Variants in CDH6 observed in about 807,000 individuals in gnomAD.
The protein encoded by CDH6 is cadherin 6, also known as cadherin-6.
In CDH6, 31 loss-of-function variants were observed where a neutral mutation model predicts 78.0. The observed-to-expected ratio is 0.40, with a 90% CI of 0.30 to 0.54. The LOEUF (loss-of-function observed/expected upper bound fraction) is 0.54, where lower values mean the gene tolerates loss of function less well. Ranked by LOEUF, CDH6 falls within the 20% of genes least tolerant of loss-of-function variation. The probability of loss-of-function intolerance (pLI) is 0.56; values close to 1 mark genes in which losing one functional copy is unlikely to be tolerated. For synonymous variants in CDH6, 376 were observed against 368.8 expected, an observed-to-expected ratio of 1.02 and a Z score of -0.23; for missense variants, 724 against 975.9, an observed-to-expected ratio of 0.74 and a Z score of 3.44.
At chr5:31,255,855 AT>A (rs1191032498) in intron 1 of CDH6, among the ~76,000 whole-genome samples, 1 of 152,272 alleles carries the variant, frequency 6.6e-6, no homozygotes, top group East Asian at 1.9e-4. Context: ...CATAAAACAT[AT>A]TGAATGAACA....
intron 1 of CDH6, among the ~76,000 whole-genome samples, chr5:31,236,681 C>T (rs965652444): frequency 2.0e-5 from 3 of 152,140 alleles, no homozygotes; most frequent in Non-Finnish European, 2.9e-5. Flanking sequence ...GGATTCCCCG[C>T]CCCCCATCTC....
intron 1 of CDH6, among the ~76,000 whole-genome samples, chr5:31,218,095 A>G (rs1164659416): frequency 1.3e-5 from 2 of 152,180 alleles, no homozygotes; most frequent in African/African-American, 2.4e-5. Flanking sequence ...TTATTATAAT[A>G]CATTTGAAAT....
chr5:31,285,258 CT>C (rs1433680763), intron 2 of CDH6, among the ~76,000 whole-genome samples: 1 of 152,190 alleles, frequency 6.6e-6, no homozygotes, highest in Non-Finnish European at 1.5e-5. Context: ...TTCTCCCACA[CT>C]GAGCCTTGAA....
chr5:31,300,536 A>G (rs1412324320), intron 5 of CDH6, among the ~76,000 whole-genome samples: 3 of 152,190 alleles, frequency 2.0e-5, no homozygotes, highest in Non-Finnish European at 4.4e-5. Flanking sequence ...AGAATATCTC[A>G]TATAACAAGT....
intron 6 of CDH6, among the ~76,000 whole-genome samples, chr5:31,302,823 A>G (rs1225340980): frequency 6.8e-6 from 1 of 147,624 alleles, no homozygotes; most frequent in African/African-American, 2.5e-5. Flanking sequence ...AAAGAAAGAA[A>G]GAAAGAAAGA....
At chr5:31,254,971 A>G (rs1307219448) in intron 1 of CDH6, among the ~76,000 whole-genome samples, 2 of 152,246 alleles carry the variant, frequency 1.3e-5, no homozygotes, top group Admixed American at 6.5e-5. Flanking sequence ...TAAAAACTCA[A>G]TATCATCAAA....
rs577544478 is a variant in CDH6, at chr5:31,309,742, G to T, written c.1254-3576G>T. Among the ~76,000 whole-genome samples the T allele has an allele frequency of 2.6e-5, 4 of 152,300 alleles. No homozygotes were observed. The East Asian group carries it at 7.7e-4, about 29-fold the overall frequency. On this transcript the variant is annotated intron_variant, in intron 7 of 11. Transcript: ENST00000265071. ...GCTGTACAGGAAGCATGGCCGAGAG[G>T]CCTCAGGAAACTTACAATCATAGCA...
intron 1 of CDH6, among the ~76,000 whole-genome samples, chr5:31,211,732 T>C (rs1416121999): frequency 6.6e-6 from 1 of 152,214 alleles, no homozygotes; most frequent in Admixed American, 6.5e-5. Flanking sequence ...CAAAGTGGAA[T>C]AAAATCTAGA....
intron 1 of CDH6, among the ~76,000 whole-genome samples, chr5:31,211,501 T>A (rs967817499): frequency 6.6e-6 from 1 of 152,208 alleles, no homozygotes; most frequent in Non-Finnish European, 1.5e-5. Context: ...TATTTTTCTT[T>A]TAGGTTTTAT....
chr5:31,269,448 T>A (rs1742460000), intron 2 of CDH6, among the ~76,000 whole-genome samples: 1 of 152,180 alleles, frequency 6.6e-6, no homozygotes, highest in South Asian at 2.1e-4. Context: ...TTGCCAATTA[T>A]GTGACCTAGG....
At chr5:31,210,847 T>C (rs1314017719) in intron 1 of CDH6, among the ~76,000 whole-genome samples, 2 of 152,186 alleles carry the variant, frequency 1.3e-5, no homozygotes, top group Non-Finnish European at 2.9e-5. Context: ...TGATCCATGA[T>C]TGGTGGAATC....
At chr5:31,314,867 T>C (rs1579911870) in intron 8 of CDH6, among the ~76,000 whole-genome samples, 2 of 152,322 alleles carry the variant, frequency 1.3e-5, no homozygotes, top group Admixed American at 6.5e-5. Context: ...TTTGAAAGTA[T>C]TGGTGACTAT....
At chr5:31,286,212 G>T (rs1246806400) in intron 2 of CDH6, among the ~76,000 whole-genome samples, 1 of 152,318 alleles carries the variant, frequency 6.6e-6, no homozygotes, top group South Asian at 2.1e-4. Context: ...AAGTGACCTA[G>T]ACAGGTTTGG....
intron 1 of CDH6, among the ~76,000 whole-genome samples, chr5:31,219,578 C>A (rs559908343): frequency 6.6e-6 from 1 of 152,196 alleles, no homozygotes; most frequent in African/African-American, 2.4e-5. Context: ...TTGAGCTCAC[C>A]CCAGATACAC....
rs1479162580 is a variant in CDH6 at position 31,327,376 on chromosome 5, T to C, written c.*4068T>C. On this transcript the variant is annotated 3_prime_UTR_variant, in exon 12 of 12. Coordinates refer to ENST00000265071, the MANE Select transcript of CDH6 (RefSeq NM_004932.4). ...TAGTTTTGAAGCAGTGTAATTACTC[T>C]GGAAGAAGGCTCTAAAAAGTCATGA... is the stretch of plus-strand genomic sequence containing the variant. 1.0e-5 allele frequency: 2 copies of C among 192,478 alleles called. No homozygotes were observed. Among genetic ancestry groups the C allele is most frequent in the African/African-American group, 4.6e-5 (2 of 43,076 alleles). The allele number at this position is 192,478 out of a possible 1,614,324, so 11.9% of individuals were successfully genotyped here.
At chr5:31,306,577 G>C (rs1737997516) in intron 7 of CDH6, among the ~76,000 whole-genome samples, 1 of 152,118 alleles carries the variant, frequency 6.6e-6, no homozygotes, top group Non-Finnish European at 1.5e-5. Flanking sequence ...CAAGAAAAGT[G>C]CTAGACCAGA....
chr5:31,309,646 T>A (rs893619385), intron 7 of CDH6, among the ~76,000 whole-genome samples: 6 of 151,282 alleles, frequency 4.0e-5, no homozygotes, highest in Non-Finnish European at 5.9e-5. Flanking sequence ...AGTCCATTTT[T>A]AAACTGCTAT....
chr5:31,264,510 C>G (rs866683899), intron 1 of CDH6, among the ~76,000 whole-genome samples: 1 of 151,906 alleles, frequency 6.6e-6, no homozygotes, highest in Non-Finnish European at 1.5e-5. Flanking sequence ...TGTTGCAGAC[C>G]CCAGCACTGT....
chr5:31,297,469 C>T (rs1477669306), intron 4 of CDH6, 61 bp downstream of exon 4: 1 of 1,261,776 alleles, frequency 7.9e-7, no homozygotes, highest in Non-Finnish European at 1.1e-6. Context: ...CTCAGCTGAG[C>T]TAGCATATTT....
Sources: gnomAD v4.1 joint callset for allele counts (sites outside exome capture counted in the v4.1 genomes callset) on GRCh38, gnomAD v4.1.1 for gene constraint, MANE v1.5 for transcripts, NCBI Gene and HGNC (gene_info 2026-07-23, HGNC 2026-07-21) for gene names.